The following SAMD12 variants were observed in gnomAD, a reference collection of about 807,000 sequenced individuals.
The protein encoded by SAMD12 is sterile alpha motif domain-containing protein 12.
In SAMD12, 9 loss-of-function variants were observed where a neutral mutation model predicts 15.0. The observed-to-expected ratio is 0.60, with a 90% confidence interval of 0.36 to 1.05. The LOEUF is 1.05. Ranked by LOEUF, SAMD12 falls within the 50% of genes least tolerant of loss-of-function variation. The pLI is 0.01. For missense variants in SAMD12, 230 were observed against 234.2 expected, an observed-to-expected ratio of 0.98 and a Z score of 0.12; for synonymous variants, 86 against 90.1, an observed-to-expected ratio of 0.96 and a Z score of 0.25.
At chr8:118,260,438 A>G (rs770130243) in intron 4 of SAMD12, among the ~76,000 whole-genome samples, 1 of 152,094 alleles carries the variant, frequency 6.6e-6, no homozygotes, top group Non-Finnish European at 1.5e-5. Context: ...ATGGATTATT[A>G]AAAAGTATCT....
intron 4 of SAMD12, among the ~76,000 whole-genome samples, chr8:118,312,193 T>C (rs1370206972): frequency 1.3e-5 from 2 of 152,162 alleles, no homozygotes; most frequent in African/African-American, 4.8e-5. Flanking sequence ...CCTGCAGTGC[T>C]CTCTTAACCT....
chr8:118,496,726 C>T (rs919601783), intron 2 of SAMD12, among the ~76,000 whole-genome samples: 43 of 152,048 alleles, frequency 2.8e-4, no homozygotes, highest in African/African-American at 7.9e-4. Context: ...CAAGTGGGAC[C>T]TAATTAAAGA....
chr8:118,426,897 G>A (rs966348679), intron 3 of SAMD12, among the ~76,000 whole-genome samples: 1 of 152,162 alleles, frequency 6.6e-6, no homozygotes, highest in African/African-American at 2.4e-5. Context: ...AAATACAAAA[G>A]GTGGCAACTC....
At chr8:118,426,806 C>T (rs930919193) in intron 3 of SAMD12, among the ~76,000 whole-genome samples, 1 of 152,062 alleles carries the variant, frequency 6.6e-6, no homozygotes, top group African/African-American at 2.4e-5. Flanking sequence ...ATTTTGAAAT[C>T]GTGAGTATTT....
At chr8:118,166,726 C>T in the SAMD12 span, among the ~76,000 whole-genome samples, 1 of 152,168 alleles carries the variant, frequency 6.6e-6, no homozygotes, top group African/African-American at 2.4e-5. Context: ...AAAAAGTGTG[C>T]ACACTACGTT....
the SAMD12 span, among the ~76,000 whole-genome samples, chr8:118,141,217 C>T: frequency 6.6e-6 from 1 of 152,292 alleles, no homozygotes; most frequent in Non-Finnish European, 1.5e-5. Flanking sequence ...CGAAAGTCTT[C>T]AGAGTTCAGT....
chr8:118,258,301 T>C (rs1812999610), intron 4 of SAMD12, among the ~76,000 whole-genome samples: 1 of 152,166 alleles, frequency 6.6e-6, no homozygotes, highest in African/African-American at 2.4e-5. Flanking sequence ...ACATGAAAGA[T>C]AGCCTGTGCT....
At chr8:118,213,973 AC>A (rs1224440688) in intron 4 of SAMD12, among the ~76,000 whole-genome samples, 3 of 152,100 alleles carry the variant, frequency 2.0e-5, no homozygotes, top group African/African-American at 7.2e-5. Flanking sequence ...TATTGACCAC[AC>A]CCCAACTTCC....
intron 2 of SAMD12, among the ~76,000 whole-genome samples, chr8:118,562,627 T>A (rs1217110868): frequency 6.6e-6 from 1 of 152,172 alleles, no homozygotes; most frequent in African/African-American, 2.4e-5. Context: ...ACATAACTTA[T>A]TGTTGACTTT....
chr8:118,546,406 C>T (rs1826125277), intron 2 of SAMD12, among the ~76,000 whole-genome samples: 1 of 152,082 alleles, frequency 6.6e-6, no homozygotes, highest in African/African-American at 2.4e-5. Context: ...CGAGCTTTGT[C>T]CATAGGATTC....
At chr8:118,505,082 G>T (rs1284856844) in intron 2 of SAMD12, among the ~76,000 whole-genome samples, 1 of 152,202 alleles carries the variant, frequency 6.6e-6, no homozygotes, top group Non-Finnish European at 1.5e-5. Context: ...AACTTGATAA[G>T]GTAGGCACAG....
chr8:118,443,074 C>G (rs1277227524), intron 2 of SAMD12, among the ~76,000 whole-genome samples: 3 of 152,176 alleles, frequency 2.0e-5, no homozygotes, highest in Non-Finnish European at 2.9e-5. Flanking sequence ...CTGAGGTTAA[C>G]ACTCAAGGAG....
At chr8:118,169,007 T>TA in the SAMD12 span, among the ~76,000 whole-genome samples, 1,702 of 152,228 alleles carry the variant, frequency 0.011, 15 homozygotes, top group South Asian at 0.026. Context: ...TTTTTTCTTT[T>TA]AAAACCAACC....
At chr8:118,202,184 A>G (rs1819733977) in intron 4 of SAMD12, among the ~76,000 whole-genome samples, 1 of 152,254 alleles carries the variant, frequency 6.6e-6, no homozygotes, top group Non-Finnish European at 1.5e-5. Context: ...ACTAAGTGAT[A>G]GCTACTATTG....
intron 3 of SAMD12, among the ~76,000 whole-genome samples, chr8:118,428,414 G>GAAAAAGAAAAGA (rs138954900): frequency 6.7e-6 from 1 of 149,836 alleles, no homozygotes; most frequent in African/African-American, 2.4e-5. Context: ...CAATAACAAA[G>GAAAAAGAAAAGA]AAAGAAAAGA....
chr8:118,386,598 A>G (rs1032458232), intron 3 of SAMD12, among the ~76,000 whole-genome samples: 2 of 152,190 alleles, frequency 1.3e-5, no homozygotes, highest in African/African-American at 4.8e-5. Flanking sequence ...ACTACGGCAC[A>G]GGGTTCATTG....
At chr8:118,606,900 C>T (rs904625012) in intron 1 of SAMD12, among the ~76,000 whole-genome samples, 1 of 152,038 alleles carries the variant, frequency 6.6e-6, no homozygotes, top group African/African-American at 2.4e-5. Flanking sequence ...TCTGACACTC[C>T]CCCTACTTTC....
intron 3 of SAMD12, among the ~76,000 whole-genome samples, chr8:118,388,387 T>C (rs778076073): frequency 1.6e-4 from 25 of 152,216 alleles, no homozygotes; most frequent in Non-Finnish European, 3.5e-4. Context: ...ACTACATCTC[T>C]GATTATTTCT....
chr8:118,520,887 G>T (rs1825372954), intron 2 of SAMD12, among the ~76,000 whole-genome samples: 1 of 152,090 alleles, frequency 6.6e-6, no homozygotes, highest in Non-Finnish European at 1.5e-5. Flanking sequence ...TATGTATTCT[G>T]GGTGGTGATC....
Sources: allele counts gnomAD v4.1 joint callset (sites outside exome capture counted in the v4.1 genomes callset), GRCh38; gene constraint gnomAD v4.1.1; transcripts MANE v1.5; gene names NCBI Gene and HGNC (gene_info 2026-07-23, HGNC 2026-07-21).